The following FAM178B variants were observed in gnomAD, a reference collection of about 807,000 sequenced individuals.
FAM178B encodes protein FAM178B.
A neutral mutation model predicts 91.7 loss-of-function variants in FAM178B; 82 were observed. The observed-to-expected ratio is 0.89, with a 90% confidence interval of 0.75 to 1.07. The LOEUF is 1.07. Ranked by LOEUF, FAM178B falls within the 50% of genes least tolerant of loss-of-function variation. The pLI is 0.00. For synonymous variants in FAM178B, 368 were observed against 359.4 expected (o/e 1.02, Z -0.27); for missense variants, 769 against 846.7 (o/e 0.91, Z 1.14).
intron 15 of FAM178B, among the ~76,000 whole-genome samples, 170 bp downstream of exon 15, chr2:96,878,246 A>C (rs1423137628): frequency 6.6e-6 from 1 of 152,168 alleles, no homozygotes; most frequent in Non-Finnish European, 1.5e-5. Context: ...CTGGTGGGAC[A>C]CTGTGGGGAG....
chr2:96,938,829 G>A (rs1172168854), intron 8 of FAM178B: 1 of 152,358 alleles, frequency 6.6e-6, no homozygotes. Context: ...GAAGCAAGGA[G>A]GCGGCACACG....
At chr2:96,921,687 G>C in intron 10 of FAM178B, 33 bp from the exon 11 acceptor site, 1 of 1,547,644 alleles carries the variant, frequency 6.5e-7, no homozygotes. Context: ...GGGTGGCCAG[G>C]GCATGGGGGA....
chr2:96,916,786 T>C (rs935818869), intron 12 of FAM178B, among the ~76,000 whole-genome samples: 1 of 152,248 alleles, frequency 6.6e-6, no homozygotes, highest in African/African-American at 2.4e-5. Context: ...GCGGGTGTAC[T>C]GCATGAGTGT....
chr2:96,972,691 C>A (rs2082239075), intron 1 of FAM178B, 85 bp from the exon 2 acceptor site: 1 of 1,303,756 alleles, frequency 7.7e-7, no homozygotes, highest in Admixed American at 2.0e-5. Flanking sequence ...AGAGGAGGGC[C>A]TGGGCCCACT....
chr2:96,966,341 G>GCC (rs2153375353), intron 5 of FAM178B, among the ~76,000 whole-genome samples: 1 of 151,836 alleles, frequency 6.6e-6, no homozygotes, highest in South Asian at 2.1e-4. Context: ...CATCATCAGA[G>GCC]CCTTCATCAT....
At chr2:96,924,597 G>A (rs970947891) in intron 9 of FAM178B, among the ~76,000 whole-genome samples, 5 of 152,228 alleles carry the variant, frequency 3.3e-5, no homozygotes, top group Admixed American at 6.5e-5. Context: ...CTTTCCACAA[G>A]CCTCCCTCCC....
intron 1 of FAM178B, among the ~76,000 whole-genome samples, chr2:96,978,628 C>CTTT: frequency 7.4e-6 from 1 of 134,634 alleles, no homozygotes. Flanking sequence ...ATGATTTCTT[C>CTTT]TTTTTTTTTT....
chr2:96,930,853 C>T (rs772077993), intron 8 of FAM178B, among the ~76,000 whole-genome samples: 2 of 152,102 alleles, frequency 1.3e-5, no homozygotes, highest in Non-Finnish European at 2.9e-5. Context: ...GGAAGAAGGC[C>T]TGAGGGAGCT....
intron 8 of FAM178B, among the ~76,000 whole-genome samples, chr2:96,936,406 T>G (rs556667975): frequency 6.6e-6 from 1 of 152,032 alleles, no homozygotes; most frequent in Admixed American, 6.5e-5. Context: ...TTTCACCATA[T>G]TAGCCAGGAT....
intron 12 of FAM178B, among the ~76,000 whole-genome samples, chr2:96,913,846 A>C (rs2081198562): frequency 6.6e-6 from 1 of 152,202 alleles, no homozygotes; most frequent in African/African-American, 2.4e-5. Flanking sequence ...GGAGCATCCA[A>C]GTGGTTAGGC....
intron 1 of FAM178B, among the ~76,000 whole-genome samples, chr2:96,984,377 T>C (rs1267739694): frequency 6.6e-6 from 1 of 152,214 alleles, no homozygotes; most frequent in Non-Finnish European, 1.5e-5. Context: ...GGCAGTATGC[T>C]GAGCATTGGG....
intron 8 of FAM178B, among the ~76,000 whole-genome samples, chr2:96,945,312 C>T (rs1023886872): frequency 1.3e-5 from 2 of 152,128 alleles, no homozygotes; most frequent in Non-Finnish European, 2.9e-5. Context: ...GACACTCGGG[C>T]CCTCAGCCCC....
intron 8 of FAM178B, among the ~76,000 whole-genome samples, chr2:96,940,779 A>G (rs1414797082): frequency 6.6e-6 from 1 of 152,230 alleles, no homozygotes; most frequent in African/African-American, 2.4e-5. Context: ...TACATTATAC[A>G]CTTCAAATGT....
At chr2:96,919,991 C>T (rs897488904) in intron 12 of FAM178B, among the ~76,000 whole-genome samples, 3 of 152,166 alleles carry the variant, frequency 2.0e-5, no homozygotes, top group Non-Finnish European at 4.4e-5. Flanking sequence ...AGAGACCACC[C>T]TTGGAACAGT....
At chr2:96,899,316 C>T (rs1350492699) in intron 13 of FAM178B, among the ~76,000 whole-genome samples, 1 of 152,206 alleles carries the variant, frequency 6.6e-6, no homozygotes, top group African/African-American at 2.4e-5. Flanking sequence ...TGGCCGTGGC[C>T]GACTTGCTCA....
intron 8 of FAM178B, among the ~76,000 whole-genome samples, chr2:96,932,604 G>C (rs937579618): frequency 1.3e-5 from 2 of 152,162 alleles, no homozygotes; most frequent in Non-Finnish European, 2.9e-5. Flanking sequence ...AGTCATTTTA[G>C]GTGATGCCCA....
intron 15 of FAM178B, 53 bp downstream of exon 15, chr2:96,878,363 G>A: frequency 6.4e-7 from 1 of 1,553,458 alleles, no homozygotes; most frequent in Non-Finnish European, 8.9e-7. Context: ...CCGCTTGGGG[G>A]AGAAGACACA....
Position 96,975,067 on chromosome 2 carries a change from C to A in FAM178B, c.74-2461G>T, listed in dbSNP as rs530623357. On this transcript the variant is annotated intron_variant, in intron 1 of 16. Coordinates refer to ENST00000490605, the MANE Select transcript of FAM178B (RefSeq NM_001122646.3). ...GATCGTGCCACTGCACTCTATCTAA[C>A]CTGGGTGACAGAGTGAGACTCTGTC... is the stretch of plus-strand genomic sequence containing the variant. Among the ~76,000 whole-genome samples, 4 of 138,234 alleles carry A rather than the reference C, an allele frequency of 2.9e-5. No homozygotes were observed. In the South Asian group the frequency reaches 9.0e-4, roughly 31 times the overall value. 90.7% of individuals were successfully genotyped at this position (138,234 alleles called of 152,430 possible).
intron 14 of FAM178B, among the ~76,000 whole-genome samples, chr2:96,884,711 C>A (rs552396988): frequency 1.3e-5 from 2 of 152,198 alleles, no homozygotes; most frequent in Non-Finnish European, 2.9e-5. Flanking sequence ...CTTCCCTGCC[C>A]CATGAGCAAA....
Sources: allele counts gnomAD v4.1 joint callset (sites outside exome capture counted in the v4.1 genomes callset), GRCh38; gene constraint gnomAD v4.1.1; transcripts MANE v1.5; gene names NCBI Gene and HGNC (gene_info 2026-07-23, HGNC 2026-07-21).